The following TTC1 variants were observed in gnomAD, a reference collection of about 807,000 sequenced individuals.
TTC1 encodes the protein tetratricopeptide repeat protein 1.
TTC1 carries 31 observed loss-of-function variants against 37.6 expected under a neutral mutation model. That is an observed-to-expected ratio of 0.82 (90% CI 0.62 to 1.11). TTC1 has a LOEUF of 1.11. Among genes scored for constraint, TTC1 ranks in the 50% most tolerant of loss-of-function variants. TTC1 has a pLI of 0.00. For missense variants in TTC1, 351 were observed against 339.0 expected, an observed-to-expected ratio of 1.04 and a Z score of -0.28; for synonymous variants, 127 against 122.4, an observed-to-expected ratio of 1.04 and a Z score of -0.25.
At chr5:160,016,326 C>T (rs1198173827) in intron 2 of TTC1, among the ~76,000 whole-genome samples, 3 of 152,038 alleles carry the variant, frequency 2.0e-5, no homozygotes, top group Admixed American at 1.3e-4. Context: ...TGCAGAGAGC[C>T]GAGATCACGC....
intron 3 of TTC1, among the ~76,000 whole-genome samples, chr5:160,035,452 CAG>C (rs1756985215): frequency 6.6e-6 from 1 of 152,208 alleles, no homozygotes; most frequent in Non-Finnish European, 1.5e-5. Flanking sequence ...AGTCTAGAAT[CAG>C]GGGTAAAACT....
chr5:160,062,866 C>T (rs1388318054), intron 7 of TTC1, among the ~76,000 whole-genome samples: 2 of 152,074 alleles, frequency 1.3e-5, no homozygotes, highest in African/African-American at 4.8e-5. Context: ...TGCCAGCGTT[C>T]CTGGTTGGTG....
At chr5:160,020,178 C>T (rs1030376346) in intron 2 of TTC1, among the ~76,000 whole-genome samples, 9 of 152,148 alleles carry the variant, frequency 5.9e-5, no homozygotes, top group Admixed American at 4.6e-4. Flanking sequence ...ATCCGCCCGC[C>T]CCAGCCTCCT....
intron 4 of TTC1, 26 bp from the exon 5 acceptor site, chr5:160,043,107 C>T (rs1757129592): frequency 6.2e-7 from 1 of 1,610,626 alleles, no homozygotes; most frequent in African/African-American, 1.3e-5. Flanking sequence ...TAGGGCAACA[C>T]ATATTAATAC....
intron 2 of TTC1, among the ~76,000 whole-genome samples, chr5:160,021,436 G>A (rs550129414): frequency 6.6e-6 from 1 of 152,376 alleles, no homozygotes; most frequent in East Asian, 1.9e-4. Flanking sequence ...AATTTAAGCA[G>A]TCCTGACATA....
chr5:160,014,339 CAA>C lies in TTC1; in HGVS notation c.330+3482_330+3483del, dbSNP rs541450869. On this transcript the variant is annotated intron_variant, in intron 2 of 7. Coordinates refer to ENST00000231238, the MANE Select transcript of TTC1 (RefSeq NM_003314.3). ...GGCCATTGCACTCCAGCCTGGGAGA[CAA>C]GAGCAAAACTCCGTCTCAGAAAATA... Among the ~76,000 whole-genome samples, 238 of 151,754 alleles carry C rather than the reference CAA, an allele frequency of 1.6e-3. 3 individuals are homozygous for C. The highest frequency in any genetic ancestry group is 5.5e-3 in the African/African-American group (228 of 41,286).
intron 1 of TTC1, 101 bp from the exon 2 acceptor site, chr5:160,010,399 T>C (rs1180959685): frequency 6.4e-6 from 4 of 622,406 alleles, no homozygotes; most frequent in African/African-American, 1.8e-5. Context: ...GAAATTACGG[T>C]GTGTTTTTTG....
rs1262757869 is a variant in TTC1 at position 160,065,005 on chromosome 5, G to A, written c.819G>A (p.Gln273=). ...GLSTENFQIK[Q]DSSTGSYSIN... is the part of the protein sequence containing the mutation. ...CCACGGAAAATTTCCAGATCAAACA[G>A]GATTCCTCTACCGGCTCGTACTCCA... Residue 273 remains glutamine (Q), a synonymous_variant, in exon 8 of 8, where the codon CAG becomes CAA. Coordinates refer to ENST00000231238, the MANE Select transcript of TTC1 (RefSeq NM_003314.3). 1.2e-6 allele frequency: 2 copies of A among 1,613,912 alleles called. No homozygotes were observed.
At chr5:160,017,491 G>A (rs1357370766) in intron 2 of TTC1, among the ~76,000 whole-genome samples, 1 of 152,086 alleles carries the variant, frequency 6.6e-6, no homozygotes, top group Non-Finnish European at 1.5e-5. Context: ...CCAAAAGGAC[G>A]CACCTCTTAA....
chr5:160,062,407 T>C (rs932005702), intron 7 of TTC1, among the ~76,000 whole-genome samples: 1 of 152,182 alleles, frequency 6.6e-6, no homozygotes, highest in Non-Finnish European at 1.5e-5. Context: ...CCCGGAGCAC[T>C]GTGGCATGTA....
At chr5:160,017,297 C>G (rs148170205) in intron 2 of TTC1, among the ~76,000 whole-genome samples, 1 of 152,258 alleles carries the variant, frequency 6.6e-6, no homozygotes, top group African/African-American at 2.4e-5. Flanking sequence ...GCTCATAATT[C>G]TGGAGGCTGA....
At position 160,010,496 on chromosome 5, in the gene TTC1, C is replaced by T; in HGVS notation, c.-29-4C>T. Reference sequence around the variant, plus strand: ...TATAGCAGTTTTGTTTTGTTTTCCCCCAGCTTTAGCGTCACCTCCCTCACT... The same window carrying T: ...TATAGCAGTTTTGTTTTGTTTTCCCTCAGCTTTAGCGTCACCTCCCTCACT... On this transcript the variant is annotated splice_region_variant and splice_polypyrimidine_tract_variant and intron_variant, in intron 1 of 7. Transcript: ENST00000231238. 1 of 1,581,362 alleles carries T rather than the reference C, an allele frequency of 6.3e-7. No individual in the cohort carries two copies. Among genetic ancestry groups the T allele is most frequent in the Non-Finnish European group, 8.6e-7 (1 of 1,159,988 alleles).
chr5:160,050,474 A>T lies in TTC1; in HGVS notation c.691-655A>T, dbSNP rs72810133. On this transcript the variant is annotated intron_variant, in intron 6 of 7. Transcript: ENST00000231238. ...AAAAACAAAAAATACAAATGAATTT[A>T]AAAAAAAGTTAAAAATACAAATATA... Among the ~76,000 whole-genome samples, 1,219 of 152,218 alleles carry T rather than the reference A, an allele frequency of 8.0e-3. 7 individuals are homozygous for T. Among genetic ancestry groups the T allele is most frequent in the Non-Finnish European group, 0.012 (848 of 67,992 alleles).
At chr5:160,045,553 C>T in intron 5 of TTC1, among the ~76,000 whole-genome samples, 1 of 126,526 alleles carries the variant, frequency 7.9e-6, no homozygotes, top group East Asian at 2.6e-4. Flanking sequence ...CTCTCTCTCT[C>T]CCCCTCCCCT....
intron 5 of TTC1, among the ~76,000 whole-genome samples, chr5:160,043,773 G>C (rs1037840959): frequency 2.0e-5 from 3 of 152,124 alleles, no homozygotes; most frequent in African/African-American, 4.8e-5. Flanking sequence ...AGTTTCTGTT[G>C]GTGAATTGAT....
chr5:160,031,165 T>A (rs79078808), intron 2 of TTC1, among the ~76,000 whole-genome samples: 17,146 of 152,190 alleles, frequency 0.11, 1,674 homozygotes, highest in African/African-American at 0.26. Context: ...AAAGTGCTAT[T>A]TTTAGCTGTT....
chr5:160,045,833 C>G (rs941284303), intron 5 of TTC1, among the ~76,000 whole-genome samples: 4 of 152,056 alleles, frequency 2.6e-5, no homozygotes, highest in Admixed American at 1.3e-4. Context: ...ACCTCTGCCT[C>G]CCAGGTTCAA....
chr5:160,018,432 G>T (rs1756644184), intron 2 of TTC1, among the ~76,000 whole-genome samples: 1 of 152,182 alleles, frequency 6.6e-6, no homozygotes, highest in Non-Finnish European at 1.5e-5. Context: ...GTGGCACTGG[G>T]AGCAGCCAAA....
chr5:160,048,988 T>A lies in TTC1; in HGVS notation c.542-526T>A, dbSNP rs894145189. Among the ~76,000 whole-genome samples the A allele has an allele frequency of 5.3e-5, 8 of 152,240 alleles. 1 individual carries two copies. The South Asian group carries it at 1.7e-3, about 32-fold the overall frequency. On this transcript the variant is annotated intron_variant, in intron 5 of 7. Transcript: ENST00000231238. ...TCTCTCTCACTCTTTCACTGCGCAC[T>A]TGAACTCTGTTCTGGCCTGTCCTGG...
Sources: gnomAD v4.1 joint callset for allele counts (sites outside exome capture counted in the v4.1 genomes callset) on GRCh38, gnomAD v4.1.1 for gene constraint, MANE v1.5 for transcripts, NCBI Gene and HGNC (gene_info 2026-07-23, HGNC 2026-07-21) for gene names.